The following SRSF9 variants were observed in gnomAD, a reference collection of about 807,000 sequenced individuals.
SRSF9 encodes the protein serine and arginine rich splicing factor 9, also known as serine/arginine-rich splicing factor 9.
In SRSF9, 3 loss-of-function variants were observed where a neutral mutation model predicts 25.9. The ratio of observed to expected loss-of-function variants is 0.12; its 90% CI spans 0.05 to 0.30. The LOEUF (loss-of-function observed/expected upper bound fraction) is 0.30, where lower values mean the gene tolerates loss of function less well. SRSF9 is among the 10% of genes least tolerant of loss of function. SRSF9 has a pLI of 1.00. For missense variants in SRSF9, 161 were observed against 303.5 expected (o/e 0.53, Z 3.49); for synonymous variants, 114 against 113.2 (o/e 1.01, Z -0.05).
intron 3 of SRSF9, 27 bp from the exon 4 acceptor site, chr12:120,462,189 G>C: frequency 6.3e-7 from 1 of 1,586,262 alleles, no homozygotes; most frequent in South Asian, 1.1e-5. Context: ...AACAAAAAGA[G>C]TAAAGGGGAA....
chr12:120,465,508 T>C (rs1285574116), intron 2 of SRSF9, 119 bp downstream of exon 2: 11 of 1,153,612 alleles, frequency 9.5e-6, no homozygotes, highest in Admixed American at 4.0e-5. Flanking sequence ...ACACAGGCTA[T>C]TGAAAAGAAA....
At chr12:120,468,646 C>A (rs1397333472) in intron 1 of SRSF9, among the ~76,000 whole-genome samples, 2 of 152,188 alleles carry the variant, frequency 1.3e-5, no homozygotes, top group Non-Finnish European at 2.9e-5. Flanking sequence ...AGTGGAGTGA[C>A]CAGGTCAGCG....
In SRSF9 at chr12:120,469,535, C is replaced by A; in HGVS notation, c.75G>T (p.Val25=). 2 of 1,590,570 alleles carry A rather than the reference C, an allele frequency of 1.3e-6. No homozygotes were observed. Among genetic ancestry groups the A allele is most frequent in the Non-Finnish European group, 1.7e-6 (2 of 1,170,594 alleles). ...RIYVGNLPTD[V]REKDLEDLFY... is the part of the protein sequence containing the mutation. ...ACAGGTCCTCCAAGTCCTTCTCGCG[C>A]ACGTCGGTCGGAAGGTTCCCCACGT... The change falls in exon 1 of 4, where the codon GTG becomes GTT. Residue 25 remains valine (V), a synonymous_variant. Transcript: ENST00000229390.
chr12:120,466,459 A>AC (rs1878484282), intron 1 of SRSF9, among the ~76,000 whole-genome samples: 1 of 152,098 alleles, frequency 6.6e-6, no homozygotes, highest in African/African-American at 2.4e-5. Context: ...ATATAGTGAG[A>AC]CCCGGTCTTT....
intron 1 of SRSF9, among the ~76,000 whole-genome samples, chr12:120,468,520 T>C (rs1233872578): frequency 6.6e-6 from 1 of 152,144 alleles, no homozygotes; most frequent in Non-Finnish European, 1.5e-5. Flanking sequence ...CCTCAGATGC[T>C]CCCCTTGCCC....
At chr12:120,468,798 T>G (rs898548305) in intron 1 of SRSF9, among the ~76,000 whole-genome samples, 1 of 152,170 alleles carries the variant, frequency 6.6e-6, no homozygotes, top group African/African-American at 2.4e-5. Flanking sequence ...CTGGAACCTT[T>G]AGCATCTCGC....
Position 120,464,236 on chromosome 12 carries a change from C to T in SRSF9, c.350-114G>A. On this transcript the variant is annotated intron_variant, in intron 2 of 3. Coordinates refer to ENST00000229390, the MANE Select transcript of SRSF9 (RefSeq NM_003769.3). ...ATGATCACTTAAATCCTGAGGGTCC[C>T]CAAATCATAAACCTTGATAAGGGAC... 2.4e-6 allele frequency: 3 copies of T among 1,242,194 alleles called. No individual in the cohort carries two copies. The South Asian group carries it at 4.9e-5, about 20-fold the overall frequency. 76.9% of individuals were successfully genotyped at this position (1,242,194 alleles called of 1,614,324 possible). A position where few individuals can be genotyped will look rare whatever the true frequency, so the allele number is the denominator to read the frequency against.
intron 3 of SRSF9, chr12:120,463,608 G>A (rs919034286): frequency 1.1e-5 from 2 of 177,550 alleles, no homozygotes; most frequent in African/African-American, 2.4e-5. Context: ...TGAGTTCACA[G>A]AGGGATACTG....
At chr12:120,467,397 A>T (rs1003243017) in intron 1 of SRSF9, among the ~76,000 whole-genome samples, 1 of 152,124 alleles carries the variant, frequency 6.6e-6, no homozygotes, top group African/African-American at 2.4e-5. Context: ...GCTACTCAGG[A>T]GGCTGAGGCA....
At position 120,462,024 on chromosome 12, in the gene SRSF9, A is replaced by C; in HGVS notation, c.661T>G (p.Tyr221Asp). 1 of 1,608,770 alleles carries C rather than the reference A, an allele frequency of 6.2e-7. No individual in the cohort carries two copies. The highest frequency in any genetic ancestry group is 8.5e-7 in the Non-Finnish European group (1 of 1,178,178). ...SPHYFSPFRP[Y>D] ...AAAAATTCCCATCACCTGTCTCAGT[A>C]GGGCCTGAAAGGAGAGAAGTAGTGT... Residue 221 changes from tyrosine (Y) to aspartate (D), a missense_variant, in exon 4 of 4, where the codon TAC (tyrosine) becomes GAC (aspartate). Tyr to Asp is a radical substitution (Grantham distance 160). Around this residue, in one of 3 missense-constraint regions of SRSF9, gnomAD observed 21 missense variants for 20.1 expected, o/e 1.05. Coordinates refer to ENST00000229390, the MANE Select transcript of SRSF9 (RefSeq NM_003769.3).
At chr12:120,463,914 T>G in intron 3 of SRSF9, 36 bp downstream of exon 3, 2 of 1,569,420 alleles carry the variant, frequency 1.3e-6, no homozygotes, top group Non-Finnish European at 1.7e-6. Context: ...TGGAGTGATT[T>G]GAGTACAAGC....
chr12:120,466,252 G>T (rs115772354), intron 1 of SRSF9, among the ~76,000 whole-genome samples: 6 of 152,230 alleles, frequency 3.9e-5, no homozygotes, highest in African/African-American at 1.4e-4. Context: ...GGTGTTGCAC[G>T]CCTGTAGTCC....
intron 2 of SRSF9, 83 bp downstream of exon 2, chr12:120,465,544 A>G (rs536414843): frequency 2.8e-6 from 4 of 1,450,088 alleles, no homozygotes; most frequent in Admixed American, 5.8e-5. Context: ...GCACTGAAGA[A>G]TAACAGCTAT....
At position 120,461,855 on chromosome 12, in the gene SRSF9, G is replaced by A. The variant is rs1341918664; in HGVS notation, c.*164C>T. Reference sequence around the variant, plus strand: ...TTTCTGCAGTTTAAAATGTTTCACTGCTAATATGGCCCTGGTAGAAATTAT... The same window carrying A: ...TTTCTGCAGTTTAAAATGTTTCACTACTAATATGGCCCTGGTAGAAATTAT... On this transcript the variant is annotated 3_prime_UTR_variant, in exon 4 of 4. Coordinates refer to ENST00000229390, the MANE Select transcript of SRSF9 (RefSeq NM_003769.3). 1.4e-6 allele frequency: 1 copy of A among 689,972 alleles called. No homozygotes were observed. 42.7% of individuals were successfully genotyped at this position (689,972 alleles called of 1,614,324 possible). A position where few individuals can be genotyped will look rare whatever the true frequency, so the allele number is the denominator to read the frequency against.
rs1427571277 is a variant in SRSF9 at position 120,463,895 on chromosome 12, A to G, written c.522+55T>C. 4 of 1,543,418 alleles carry G rather than the reference A, an allele frequency of 2.6e-6. No homozygotes were observed. In the East Asian group the frequency reaches 9.1e-5, roughly 35 times the overall value. On this transcript the variant is annotated intron_variant, in intron 3 of 3. Transcript: ENST00000229390. Reference sequence around the variant, plus strand: ...GGCCTCTTGCTACCTCTGCTAGGTCAGGTTCAAGTGGAGTGATTTGAGTAC... The same window carrying G: ...GGCCTCTTGCTACCTCTGCTAGGTCGGGTTCAAGTGGAGTGATTTGAGTAC...
intron 1 of SRSF9, among the ~76,000 whole-genome samples, chr12:120,466,207 C>CTA (rs1878478439): frequency 6.6e-6 from 1 of 152,170 alleles, no homozygotes; most frequent in African/African-American, 2.4e-5. Context: ...GCCATAAAGT[C>CTA]TATGGAAATA....
chr12:120,469,375 G>T, intron 1 of SRSF9, 47 bp downstream of exon 1: 3 of 1,483,246 alleles, frequency 2.0e-6, no homozygotes, highest in Non-Finnish European at 1.8e-6. Context: ...GGGAAGGCGG[G>T]GGCCTCAGGC....
intron 1 of SRSF9, among the ~76,000 whole-genome samples, 183 bp downstream of exon 1, chr12:120,469,239 G>T (rs1001055406): frequency 6.6e-5 from 10 of 151,884 alleles, no homozygotes. Context: ...CGGCGCGAAG[G>T]ACGGCCCGGG....
intron 2 of SRSF9, 168 bp from the exon 3 acceptor site, chr12:120,464,290 G>T: frequency 1.3e-6 from 1 of 747,572 alleles, no homozygotes. Context: ...ACTGAAGTAT[G>T]TGTGGTAAAT....
Sources: gnomAD v4.1 joint callset for allele counts (sites outside exome capture counted in the v4.1 genomes callset) on GRCh38, gnomAD v4.1.1 for gene constraint, gnomAD v4.1.1 regional missense constraint, MANE v1.5 for transcripts, NCBI Gene and HGNC (gene_info 2026-07-23, HGNC 2026-07-21) for gene names.